Variants in THSD7B observed in about 807,000 individuals in gnomAD.
The protein encoded by THSD7B is thrombospondin type-1 domain-containing protein 7B.
Under a neutral mutation model 213.6 loss-of-function variants are expected in THSD7B, and 138 were observed. The ratio of observed to expected loss-of-function variants is 0.65; its 90% CI spans 0.56 to 0.74. The LOEUF (loss-of-function observed/expected upper bound fraction) is 0.74, where lower values mean the gene tolerates loss of function less well. Ranked by LOEUF, THSD7B falls within the 30% of genes least tolerant of loss-of-function variation. THSD7B has a pLI of 0.00. For missense variants in THSD7B, 1,931 were observed against 1,991.5 expected (o/e 0.97, Z 0.58); for synonymous variants, 742 against 687.0 (o/e 1.08, Z -1.25).
Position 137,312,913 on chromosome 2 carries a change from A to T in THSD7B, c.2500+36887A>T, listed in dbSNP as rs541855082. 8.9e-4 allele frequency among the ~76,000 whole-genome samples: 133 copies of T among 149,990 alleles called. 2 individuals carry two copies. The South Asian group carries it at 0.014, about 16-fold the overall frequency. On this transcript the variant is annotated intron_variant, in intron 12 of 27. Coordinates refer to ENST00000409968, the MANE Select transcript of THSD7B (RefSeq NM_001316349.2). ...CTGTTCTTTTACATTTGCTGAGGAG[A>T]GCTTTACTTCCAAGTATGTGGTCAA...
intron 17 of THSD7B, among the ~76,000 whole-genome samples, chr2:137,606,164 G>A (rs944438424): frequency 6.6e-6 from 1 of 152,134 alleles, no homozygotes; most frequent in Non-Finnish European, 1.5e-5. Context: ...ATGTTTTTCT[G>A]GAAACCTGAG....
chr2:137,269,313 C>T (rs567116676), intron 10 of THSD7B, among the ~76,000 whole-genome samples: 12 of 152,272 alleles, frequency 7.9e-5, no homozygotes, highest in African/African-American at 2.4e-4. Flanking sequence ...TTTTCTCAAA[C>T]TTTAGATTAT....
At chr2:137,075,814 C>A (rs1274845465) in intron 3 of THSD7B, among the ~76,000 whole-genome samples, 1 of 152,164 alleles carries the variant, frequency 6.6e-6, no homozygotes, top group Non-Finnish European at 1.5e-5. Flanking sequence ...AGACAGGACC[C>A]TCAGCTGCAG....
intron 15 of THSD7B, among the ~76,000 whole-genome samples, chr2:137,508,106 A>G (rs950558814): frequency 1.3e-5 from 2 of 152,252 alleles, no homozygotes; most frequent in Admixed American, 1.3e-4. Context: ...TAAGTGCTGT[A>G]TTTGTTAAAG....
At chr2:137,129,597 A>C (rs1573840924) in intron 5 of THSD7B, among the ~76,000 whole-genome samples, 1 of 151,870 alleles carries the variant, frequency 6.6e-6, no homozygotes, top group South Asian at 2.1e-4. Flanking sequence ...GTGCCACCAC[A>C]CCTAGCTAAT....
chr2:136,928,857 AG>A (rs1684585473), intron 2 of THSD7B, among the ~76,000 whole-genome samples: 2 of 152,184 alleles, frequency 1.3e-5, no homozygotes, highest in African/African-American at 4.8e-5. Context: ...AAGGAATAAA[AG>A]CTATTGAAAA....
At chr2:137,646,326 T>C (rs1457742228) in intron 21 of THSD7B, among the ~76,000 whole-genome samples, 1 of 151,986 alleles carries the variant, frequency 6.6e-6, no homozygotes, top group Admixed American at 6.6e-5. Flanking sequence ...GAAGTCACCA[T>C]CTATGAGGAC....
At chr2:136,832,948 C>T (rs1281286800) in intron 1 of THSD7B, among the ~76,000 whole-genome samples, 1 of 152,138 alleles carries the variant, frequency 6.6e-6, no homozygotes, top group Non-Finnish European at 1.5e-5. Flanking sequence ...ATATTGGTAG[C>T]TAGACAACAA....
chr2:137,251,012 T>C (rs13402534), intron 10 of THSD7B, among the ~76,000 whole-genome samples: 42,535 of 152,114 alleles, frequency 0.28, 6,254 homozygotes, highest in South Asian at 0.47. Context: ...CTCTGAAGGA[T>C]TGTGAACTCC....
chr2:137,326,440 AC>A (rs752873381), intron 12 of THSD7B, among the ~76,000 whole-genome samples: 1 of 152,162 alleles, frequency 6.6e-6, no homozygotes, highest in African/African-American at 2.4e-5. Flanking sequence ...CAAAGTACAA[AC>A]ATGCAAGAAA....
intron 6 of THSD7B, among the ~76,000 whole-genome samples, chr2:137,165,785 G>T (rs1420005607): frequency 4.0e-5 from 6 of 149,998 alleles, no homozygotes; most frequent in African/African-American, 1.5e-4. Context: ...ACACACACAC[G>T]TGCATGCACA....
rs139476071 is a variant in THSD7B, at chr2:137,467,848, C to T, written c.3138+16825C>T. Among the ~76,000 whole-genome samples, 106 of 152,220 alleles carry T rather than the reference C, an allele frequency of 7.0e-4. 1 individual carries two copies. The highest frequency in any genetic ancestry group is 2.4e-3 in the African/African-American group (101 of 41,546). ...CTATTTTCTGTAAACAACCTTCATG[C>T]CTCACTCAAATGATAAATAAGGAAA... On this transcript the variant is annotated intron_variant, in intron 15 of 27. Coordinates refer to ENST00000409968, the MANE Select transcript of THSD7B (RefSeq NM_001316349.2).
intron 15 of THSD7B, among the ~76,000 whole-genome samples, chr2:137,471,861 G>GTA (rs1688100869): frequency 6.6e-6 from 1 of 152,160 alleles, no homozygotes; most frequent in African/African-American, 2.4e-5. Context: ...CCAAAAGGCA[G>GTA]TACTGCGGGT....
intron 21 of THSD7B, among the ~76,000 whole-genome samples, chr2:137,644,148 C>A (rs1682987639): frequency 6.6e-6 from 1 of 152,092 alleles, no homozygotes; most frequent in African/African-American, 2.4e-5. Flanking sequence ...TTCTGGAGAT[C>A]CACCAGAGTA....
intron 1 of THSD7B, among the ~76,000 whole-genome samples, chr2:136,807,233 G>A (rs1417157321): frequency 6.6e-6 from 1 of 152,062 alleles, no homozygotes; most frequent in African/African-American, 2.4e-5. Context: ...CTTGAGGAGA[G>A]GAATATTTAT....
In THSD7B at chr2:137,627,140, G is replaced by A. The variant is rs1682646600; in HGVS notation, c.3799+6414G>A. Among the ~76,000 whole-genome samples the A allele has an allele frequency of 3.3e-5, 5 of 152,258 alleles. No homozygotes were observed. The South Asian group carries it at 1.0e-3, about 32-fold the overall frequency. On this transcript the variant is annotated intron_variant, in intron 20 of 27. Transcript: ENST00000409968. The stretch of plus-strand genomic sequence containing the variant: ...AAAGAGAACAAGAGCAAGAAGCCAA[G>A]AAAGCCACACACTTTTTAACAACCC...
intron 12 of THSD7B, among the ~76,000 whole-genome samples, chr2:137,404,506 CATAT>C (rs1238992514): frequency 2.5e-5 from 3 of 117,870 alleles, no homozygotes; most frequent in Non-Finnish European, 5.5e-5. Context: ...CACACACACA[CATAT>C]ATGTATATAC....
chr2:137,320,611 G>A (rs565940391), intron 12 of THSD7B, among the ~76,000 whole-genome samples: 1 of 152,292 alleles, frequency 6.6e-6, no homozygotes, highest in South Asian at 2.1e-4. Flanking sequence ...CCAAGGTCAT[G>A]CTTTTCATAT....
At chr2:137,566,429 T>C (rs1000099057) in intron 16 of THSD7B, among the ~76,000 whole-genome samples, 3 of 152,176 alleles carry the variant, frequency 2.0e-5, no homozygotes, top group African/African-American at 7.2e-5. Context: ...TTGGGTCATG[T>C]TTTATAAGCA....
Sources: allele counts gnomAD v4.1 joint callset (sites outside exome capture counted in the v4.1 genomes callset), GRCh38; gene constraint gnomAD v4.1.1; transcripts MANE v1.5; gene names NCBI Gene and HGNC (gene_info 2026-07-23, HGNC 2026-07-21).